The following MRTFB variants were observed in gnomAD, a reference collection of about 807,000 sequenced individuals.
MRTFB encodes myocardin related transcription factor B, also known as myocardin-related transcription factor B.
A neutral mutation model predicts 104.2 loss-of-function variants in MRTFB; 29 were observed. The ratio of observed to expected loss-of-function variants is 0.28; its 90% CI spans 0.21 to 0.38. The LOEUF (loss-of-function observed/expected upper bound fraction) is 0.38. Ranked by LOEUF, MRTFB falls within the 10% of genes least tolerant of loss-of-function variation. The pLI is 1.00. For synonymous variants in MRTFB, 535 were observed against 519.5 expected (o/e 1.03, Z -0.41); for missense variants, 1,270 against 1,341.6 (o/e 0.95, Z 0.83).
chr16:14,151,837 GC>G (rs1233870383), intron 3 of MRTFB: 1 of 152,072 alleles, frequency 6.6e-6, no homozygotes, highest in African/African-American at 2.4e-5. Flanking sequence ...AGACAAACAG[GC>G]CAAAACTCAG....
chr16:14,067,220 CTT>C (rs1236193770), upstream of MRTFB, among the ~76,000 whole-genome samples: 218 of 127,926 alleles, frequency 1.7e-3, 1 homozygote, highest in Non-Finnish European at 2.2e-3. Context: ...TGTTAACCCT[CTT>C]TTTTTTTTTT....
intron 3 of MRTFB, among the ~76,000 whole-genome samples, chr16:14,190,108 T>C (rs904772423): frequency 9.9e-5 from 15 of 152,226 alleles, no homozygotes; most frequent in Non-Finnish European, 4.4e-5. Context: ...GCTTTGTTGA[T>C]GCTTATATAA....
In MRTFB at chr16:14,263,782, A is replaced by AT. The variant is rs2043854344; in HGVS notation, c.*2341dup. The AT allele has an allele frequency of 6.6e-6, 1 of 152,166 alleles. No individual in the cohort carries two copies. The highest frequency in any genetic ancestry group is 1.5e-5 in the Non-Finnish European group (1 of 68,030). 9.4% of individuals were successfully genotyped at this position (152,166 alleles called of 1,614,324 possible). ...TGTGTTTAAACCTTTATAAACCAGT[A>AT]TTTCACTTTTAAAAAGACAAGGCAT... is the stretch of plus-strand genomic sequence containing the variant. On this transcript the variant is annotated 3_prime_UTR_variant, in exon 17 of 17. Transcript: ENST00000571589.
At chr16:14,181,890 T>C (rs529143339) in intron 3 of MRTFB, among the ~76,000 whole-genome samples, 23 of 152,212 alleles carry the variant, frequency 1.5e-4, no homozygotes, top group Non-Finnish European at 2.8e-4. Context: ...TTATTAAATA[T>C]CTGCCTGGGG....
chr16:14,264,252 C>G lies in MRTFB; in HGVS notation c.*2808C>G, dbSNP rs2043871387. 6.6e-6 allele frequency: 1 copy of G among 152,204 alleles called. No individual in the cohort carries two copies. The highest frequency in any genetic ancestry group is 2.1e-4 in the South Asian group (1 of 4,826). The allele number at this position is 152,204 out of a possible 1,614,324, so 9.4% of individuals were successfully genotyped here. ...CCTAGAAAGGCATTATCTCACATCC[C>G]CATCTTACTTTCCTACATGTTCTCA... On this transcript the variant is annotated 3_prime_UTR_variant, in exon 17 of 17. Transcript: ENST00000571589.
rs756022418 is a variant in MRTFB at position 14,258,175 on chromosome 16, C to T, written c.2764+14C>T. The T allele has an allele frequency of 1.9e-6, 3 of 1,610,318 alleles. No homozygotes were observed. The highest frequency in any genetic ancestry group is 2.7e-5 in the African/African-American group (2 of 74,842). On this transcript the variant is annotated intron_variant, in intron 16 of 16. Transcript: ENST00000571589. The stretch of plus-strand genomic sequence containing the variant: ...TTAAGAGTGGAGGTAAGTCAAAAGT[C>T]ACATCAGATCCTCCCAGGAAGTCAT...
chr16:14,082,824 A>G (rs982802744), intron 2 of MRTFB, among the ~76,000 whole-genome samples: 11 of 152,222 alleles, frequency 7.2e-5, no homozygotes, highest in Non-Finnish European at 1.3e-4. Context: ...TAAAATGACA[A>G]GATTGCTTTG....
At chr16:14,003,690 A>T in the MRTFB span, among the ~76,000 whole-genome samples, 1 of 104,862 alleles carries the variant, frequency 9.5e-6, no homozygotes. Context: ...TCCTTCCTCT[A>T]CACTTCTTTC....
the MRTFB span, among the ~76,000 whole-genome samples, chr16:14,022,458 G>A: frequency 1.3e-5 from 2 of 152,056 alleles, no homozygotes; most frequent in Non-Finnish European, 2.9e-5. Context: ...GTACAGTGGC[G>A]CGATCTCCAC....
chr16:14,256,799 TATATC>T (rs1461241778), intron 15 of MRTFB, among the ~76,000 whole-genome samples: 1 of 152,208 alleles, frequency 6.6e-6, no homozygotes, highest in Non-Finnish European at 1.5e-5. Flanking sequence ...TAATTTATAA[TATATC>T]AATAGGTAAC....
At chr16:14,154,600 A>C (rs1322073816) in intron 3 of MRTFB, among the ~76,000 whole-genome samples, 6 of 152,198 alleles carry the variant, frequency 3.9e-5, no homozygotes, top group Non-Finnish European at 8.8e-5. Context: ...GCATGCATTT[A>C]TTATCTCACA....
chr16:14,204,966 C>T (rs2040875384), intron 3 of MRTFB, among the ~76,000 whole-genome samples: 1 of 152,160 alleles, frequency 6.6e-6, no homozygotes, highest in Admixed American at 6.5e-5. Flanking sequence ...TGGAAACAAC[C>T]TAAGTGATAA....
At chr16:14,123,374 G>T (rs1023506913) in intron 2 of MRTFB, among the ~76,000 whole-genome samples, 7 of 152,130 alleles carry the variant, frequency 4.6e-5, no homozygotes, top group African/African-American at 7.2e-5. Flanking sequence ...GTCCTAAATG[G>T]TATTGCCTAG....
intron 8 of MRTFB, among the ~76,000 whole-genome samples, chr16:14,227,371 C>T (rs780325622): frequency 1.4e-4 from 22 of 152,240 alleles, no homozygotes; most frequent in Non-Finnish European, 2.9e-4. Context: ...TGTCTGTACA[C>T]TGGCTCCATT....
rs559293162 is a variant in MRTFB at position 14,242,443 on chromosome 16, T to C, written c.1079+1959T>C. On this transcript the variant is annotated intron_variant, in intron 10 of 16. Coordinates refer to ENST00000571589, the MANE Select transcript of MRTFB (RefSeq NM_001308142.2). The stretch of plus-strand genomic sequence containing the variant: ...TATTTAACCACAAAAAGAATATAAG[T>C]CCTGTTCAATTTCCAGATCCTAAAA... 3.9e-3 allele frequency among the ~76,000 whole-genome samples: 601 copies of C among 152,282 alleles called. 7 individuals are homozygous for C. The highest frequency in any genetic ancestry group is 6.4e-3 in the Non-Finnish European group (437 of 68,026).
intron 3 of MRTFB, among the ~76,000 whole-genome samples, chr16:14,196,940 G>C (rs948950391): frequency 1.4e-5 from 2 of 144,774 alleles, no homozygotes; most frequent in Non-Finnish European, 3.0e-5. Flanking sequence ...ATCTATGAGA[G>C]TACTTTAGTG....
At chr16:14,044,278 A>G in the MRTFB span, among the ~76,000 whole-genome samples, 1 of 152,316 alleles carries the variant, frequency 6.6e-6, no homozygotes, top group Admixed American at 6.5e-5. Flanking sequence ...GCTGCCATTC[A>G]GGTCCCAGTT....
chr16:14,198,029 A>G (rs2040517176), intron 3 of MRTFB, among the ~76,000 whole-genome samples: 1 of 152,092 alleles, frequency 6.6e-6, no homozygotes, highest in Non-Finnish European at 1.5e-5. Flanking sequence ...ACCAATCTGC[A>G]CTCTGTCTCT....
At chr16:14,180,006 C>T (rs2039715632) in intron 3 of MRTFB, among the ~76,000 whole-genome samples, 1 of 152,200 alleles carries the variant, frequency 6.6e-6, no homozygotes, top group South Asian at 2.1e-4. Flanking sequence ...ACTAGCAGTG[C>T]ATGGTGGGAC....
Sources: allele counts gnomAD v4.1 joint callset (sites outside exome capture counted in the v4.1 genomes callset), GRCh38; gene constraint gnomAD v4.1.1; transcripts MANE v1.5; gene names NCBI Gene and HGNC (gene_info 2026-07-23, HGNC 2026-07-21).